The following ANKLE2 variants were observed in gnomAD, a reference collection of about 807,000 sequenced individuals.
ANKLE2 encodes ankyrin repeat and LEM domain containing 2.
Under a neutral mutation model 84.2 loss-of-function variants are expected in ANKLE2, and 55 were observed. The observed-to-expected ratio is 0.65, with a 90% CI of 0.53 to 0.82. The LOEUF (loss-of-function observed/expected upper bound fraction) is 0.82, where lower values mean the gene tolerates loss of function less well. ANKLE2 is among the 40% of genes least tolerant of loss of function. The pLI, the probability that ANKLE2 is intolerant of heterozygous loss-of-function variation, is 0.00. For missense variants in ANKLE2, 1,238 were observed against 1,201.9 expected (o/e 1.03, Z -0.44); for synonymous variants, 551 against 486.1 (o/e 1.13, Z -1.76).
intron 9 of ANKLE2, chr12:132,734,901 G>A (rs1324201739): frequency 2.7e-5 from 9 of 331,574 alleles, no homozygotes; most frequent in Non-Finnish European, 4.4e-5. Flanking sequence ...TCATGATCAC[G>A]GAACAGCCCT....
chr12:132,738,312 G>A (rs1452407456), intron 7 of ANKLE2: 2 of 152,310 alleles, frequency 1.3e-5, no homozygotes, highest in Admixed American at 1.3e-4. Flanking sequence ...GCACAAGGAA[G>A]AGTAGTGTCT....
chr12:132,755,217 T>C, intron 1 of ANKLE2, 84 bp from the exon 2 acceptor site: 1 of 1,250,094 alleles, frequency 8.0e-7, no homozygotes. Flanking sequence ...GTTCATTATA[T>C]AATGGCATCA....
intron 10 of ANKLE2, among the ~76,000 whole-genome samples, chr12:132,732,804 C>G (rs1379770178): frequency 5.0e-5 from 6 of 119,334 alleles, no homozygotes; most frequent in Admixed American, 8.6e-5. Flanking sequence ...CTCTCTGCGT[C>G]CTGGTGTCTG....
rs2043715441 is a variant in ANKLE2 at position 132,727,204 on chromosome 12, T to A, written c.*38A>T. ...CAATAAACATATGACCCTTCCTTCT[T>A]TAAAAATGAAGAACAAACCGAGAGC... On this transcript the variant is annotated 3_prime_UTR_variant, in exon 13 of 13. Coordinates refer to ENST00000357997, the MANE Select transcript of ANKLE2 (RefSeq NM_015114.3). 6.7e-7 allele frequency: 1 copy of A among 1,495,610 alleles called. No homozygotes were observed. Among genetic ancestry groups the A allele is most frequent in the Non-Finnish European group, 8.9e-7 (1 of 1,119,318 alleles). 92.6% of individuals were successfully genotyped at this position (1,495,610 alleles called of 1,614,324 possible).
At chr12:132,740,551 G>A (rs534401662) in intron 7 of ANKLE2, among the ~76,000 whole-genome samples, 6 of 152,056 alleles carry the variant, frequency 3.9e-5, no homozygotes, top group South Asian at 2.1e-4. Flanking sequence ...CCGAGAGAGA[G>A]GAAAGCAGGC....
intron 8 of ANKLE2, among the ~76,000 whole-genome samples, chr12:132,735,950 C>A (rs759906511): frequency 2.0e-5 from 3 of 152,160 alleles, no homozygotes; most frequent in Admixed American, 6.5e-5. Flanking sequence ...AATTTTGGGG[C>A]CATTTTCTTT....
At chr12:132,730,506 C>T (rs2043819394) in intron 10 of ANKLE2, 1 of 511,858 alleles carries the variant, frequency 2.0e-6, no homozygotes, top group Admixed American at 3.3e-5. Flanking sequence ...TGGAAAAGGG[C>T]AAACAGGACC....
rs371878740 is a variant in ANKLE2, at chr12:132,728,227, CACT to C, written c.2484-67_2484-65del. On this transcript the variant is annotated intron_variant, in intron 11 of 12. Transcript: ENST00000357997. ...AAAAACATAAAGACTTCTAAAATAC[CACT>C]ACTTTTTTTTTTATTTTGAGACGGA... 561 of 1,580,056 alleles carry C rather than the reference CACT, an allele frequency of 3.6e-4. 2 individuals carry two copies. In the East Asian group the frequency reaches 0.011, roughly 31 times the overall value.
chr12:132,757,874 C>G (rs1395228553), intron 1 of ANKLE2: 1 of 150,938 alleles, frequency 6.6e-6, no homozygotes, highest in Admixed American at 6.6e-5. Flanking sequence ...GTTCCAACTA[C>G]TTGGGGGGCT....
chr12:132,755,215 T>C (rs2044454299), intron 1 of ANKLE2, 82 bp from the exon 2 acceptor site: 3 of 1,256,120 alleles, frequency 2.4e-6, no homozygotes, highest in African/African-American at 1.5e-5. Flanking sequence ...GGGTTCATTA[T>C]ATAATGGCAT....
Position 132,737,068 on chromosome 12 carries a change from G to A in ANKLE2, c.1421-3C>T, listed in dbSNP as rs369863535. 25 of 1,586,960 alleles carry A rather than the reference G, an allele frequency of 1.6e-5. No homozygotes were observed. Among genetic ancestry groups the A allele is most frequent in the Middle Eastern group, 3.6e-4 (2 of 5,552 alleles). ...CAGGAGGGGCACGTAGTAGTGGCCTGAGGGAGGAGACAGGCACTGGCTGCA... is the reference window on the plus strand; with the variant it reads ...CAGGAGGGGCACGTAGTAGTGGCCTAAGGGAGGAGACAGGCACTGGCTGCA... On this transcript the variant is annotated splice_polypyrimidine_tract_variant and splice_region_variant and intron_variant, in intron 7 of 12. Transcript: ENST00000357997.
chr12:132,758,511 A>C (rs1189677171), intron 1 of ANKLE2: 1 of 152,326 alleles, frequency 6.6e-6, no homozygotes, highest in Non-Finnish European at 1.5e-5. Flanking sequence ...ACACTGGGTT[A>C]TAATGTTCCA....
intron 5 of ANKLE2, among the ~76,000 whole-genome samples, chr12:132,744,507 G>A (rs570692158): frequency 2.0e-5 from 3 of 152,078 alleles, no homozygotes; most frequent in Admixed American, 6.6e-5. Flanking sequence ...TAGGTCACCC[G>A]CAAATGTCCT....
intron 7 of ANKLE2, chr12:132,738,501 T>C (rs2044058191): frequency 6.6e-6 from 1 of 151,784 alleles, no homozygotes; most frequent in South Asian, 2.1e-4. Flanking sequence ...GAATTTCTTA[T>C]GTTAAAGGCT....
chr12:132,743,692 TA>T lies in ANKLE2; in HGVS notation c.1231-417del, dbSNP rs1160173925. Among the ~76,000 whole-genome samples the T allele has an allele frequency of 6.6e-6, 1 of 151,516 alleles. No individual in the cohort carries two copies. Among genetic ancestry groups the T allele is most frequent in the East Asian group, 1.9e-4 (1 of 5,170 alleles). On this transcript the variant is annotated intron_variant, in intron 5 of 12. Coordinates refer to ENST00000357997, the MANE Select transcript of ANKLE2 (RefSeq NM_015114.3). The surrounding 1 kb of genome is among the most constrained non-coding windows in gnomAD (Gnocchi z 4.1). ...AAAAGACTCACAAACAAAAAGGCCA[TA>T]AAAGACTCTGCTTTTATAATGGAAA...
chr12:132,737,113 G>C (rs2044028795), intron 7 of ANKLE2, 48 bp from the exon 8 acceptor site: 2 of 1,538,402 alleles, frequency 1.3e-6, no homozygotes, highest in Non-Finnish European at 1.8e-6. Context: ...CCCCTCCGCA[G>C]GTCAGGCCTG....
rs878998219 is a variant in ANKLE2 at position 132,732,417 on chromosome 12, T to G, written c.1891+1968A>C. The stretch of plus-strand genomic sequence containing the variant: ...GTGTCTGATACGCACCGTGTGAAGC[T>G]CTCTGCGTCCTGGTGTCTGATATGC... On this transcript the variant is annotated intron_variant, in intron 10 of 12. Transcript: ENST00000357997. Among the ~76,000 whole-genome samples, 384 of 84,974 alleles carry G rather than the reference T, an allele frequency of 4.5e-3. No homozygotes were observed. The Middle Eastern group carries it at 0.049, about 11-fold the overall frequency. 55.7% of individuals were successfully genotyped at this position (84,974 alleles called of 152,430 possible).
intron 6 of ANKLE2, chr12:132,741,888 GCTC>G (rs1314801582): frequency 3.5e-5 from 16 of 460,242 alleles, no homozygotes; most frequent in Admixed American, 7.1e-5. Flanking sequence ...TCAAGGTGGA[GCTC>G]CTAAGTAACA....
chr12:132,739,556 T>C (rs932970528), intron 7 of ANKLE2, among the ~76,000 whole-genome samples: 3 of 152,220 alleles, frequency 2.0e-5, no homozygotes, highest in Non-Finnish European at 4.4e-5. Context: ...TACTAATGTT[T>C]ACTTTTTTGG....
Sources: allele counts gnomAD v4.1 joint callset (sites outside exome capture counted in the v4.1 genomes callset), GRCh38; gene constraint gnomAD v4.1.1; non-coding constraint Gnocchi (gnomAD v3.1); transcripts MANE v1.5; gene names NCBI Gene and HGNC (gene_info 2026-07-23, HGNC 2026-07-21).